The following USP25 variants were observed in gnomAD, a reference collection of about 807,000 sequenced individuals.
The protein encoded by USP25 is ubiquitin specific peptidase 25.
In USP25, 85 loss-of-function variants were observed where a neutral mutation model predicts 158.5. The observed-to-expected ratio is 0.54, with a 90% confidence interval of 0.45 to 0.64. The LOEUF is 0.64. Ranked by LOEUF, USP25 falls within the 30% of genes least tolerant of loss-of-function variation. The probability of loss-of-function intolerance (pLI) is 0.00; values close to 1 mark genes in which losing one functional copy is unlikely to be tolerated. For missense variants in USP25, 1,242 were observed against 1,327.3 expected, an observed-to-expected ratio of 0.94 and a Z score of 1.00; for synonymous variants, 464 against 460.4, an observed-to-expected ratio of 1.01 and a Z score of -0.10.
rs1281758604 is a variant in USP25, at chr21:15,830,545, A to T, written c.1708A>T (p.Ile570Leu). The change falls in exon 15 of 26, where the codon ATA becomes TTA. Residue 570 changes from isoleucine (I) to leucine (L), a missense_variant. Ile to Leu is a conservative substitution (Grantham distance 5, BLOSUM62 2). Transcript: ENST00000400183. The part of the protein sequence containing the change: ...ENDTRDLQES[I>L]SRIHRTIELM... ...TATATCCTTAGATTTGCAGGAAAGCATATCCAGAATCCATCGAACAATTGA... is the reference window on the plus strand; with the variant it reads ...TATATCCTTAGATTTGCAGGAAAGCTTATCCAGAATCCATCGAACAATTGA... 1 of 1,604,968 alleles carries T rather than the reference A, an allele frequency of 6.2e-7. No individual in the cohort carries two copies.
At chr21:15,817,318 A>G (rs753224381) in intron 9 of USP25, among the ~76,000 whole-genome samples, 12 of 152,072 alleles carry the variant, frequency 7.9e-5, no homozygotes, top group African/African-American at 2.4e-4. Context: ...GTATAAATGT[A>G]TATGTATGTA....
intron 4 of USP25, 107 bp from the exon 5 acceptor site, chr21:15,791,395 A>C: frequency 8.3e-7 from 1 of 1,205,042 alleles, no homozygotes; most frequent in Non-Finnish European, 1.1e-6. Flanking sequence ...TTATTTCTTC[A>C]AATACATTAT....
chr21:15,751,140 A>C (rs1248013710), intron 1 of USP25, among the ~76,000 whole-genome samples: 1 of 152,186 alleles, frequency 6.6e-6, no homozygotes, highest in Non-Finnish European at 1.5e-5. Flanking sequence ...GAGGCCCTTC[A>C]GAAGCCCCAA....
chr21:15,866,242 C>G (rs888594685), intron 21 of USP25, 24 bp from the exon 22 acceptor site: 10 of 1,537,302 alleles, frequency 6.5e-6, no homozygotes, highest in African/African-American at 1.4e-5. Flanking sequence ...CACACACGCT[C>G]ATATGTATGT....
At chr21:15,805,442 A>G (rs2036334639) in intron 7 of USP25, 184 bp downstream of exon 7, 1 of 490,282 alleles carries the variant, frequency 2.0e-6, no homozygotes, top group Middle Eastern at 5.6e-4. Context: ...GTGTTAAAAT[A>G]AAGTTTTAAT....
chr21:15,807,078 C>T (rs560144079), intron 7 of USP25, among the ~76,000 whole-genome samples: 3 of 152,134 alleles, frequency 2.0e-5, no homozygotes, highest in Non-Finnish European at 4.4e-5. Flanking sequence ...CACATGCCAC[C>T]GCGCCTGGCA....
intron 1 of USP25, among the ~76,000 whole-genome samples, chr21:15,755,387 A>G (rs1418422886): frequency 2.0e-5 from 3 of 152,120 alleles, no homozygotes; most frequent in African/African-American, 4.8e-5. Flanking sequence ...GTGGTGCTTT[A>G]GTTTTCTTTT....
rs1248819668 is a variant in USP25, at chr21:15,843,079, A to G, written c.2337+539A>G. Reference sequence around the variant, plus strand: ...TGAATATTTTAAGAACGTCCTGTGCAAAAACGTCATTAGGCTACTCTATTG... The same window carrying G: ...TGAATATTTTAAGAACGTCCTGTGCGAAAACGTCATTAGGCTACTCTATTG... On this transcript the variant is annotated intron_variant, in intron 18 of 25. Transcript: ENST00000400183. This position sits in a 1 kb window ranked among gnomAD's most constrained non-coding sequence, Gnocchi z 4.0. Among the ~76,000 whole-genome samples the G allele has an allele frequency of 6.6e-6, 1 of 152,174 alleles. No homozygotes were observed. Among genetic ancestry groups the G allele is most frequent in the East Asian group, 1.9e-4 (1 of 5,200 alleles).
Position 15,830,556 on chromosome 21 carries a change from C to T in USP25, c.1719C>T (p.Ile573=). Residue 573 remains isoleucine, a synonymous_variant, in exon 15 of 26, where the codon ATC becomes ATT. Coordinates refer to ENST00000400183, the MANE Select transcript of USP25 (RefSeq NM_001283041.3). The part of the protein sequence containing the change: ...TRDLQESISR[I]HRTIELMYSD... Reference sequence around the variant, plus strand: ...ATTTGCAGGAAAGCATATCCAGAATCCATCGAACAATTGAATTAATGTACT... The same window carrying T: ...ATTTGCAGGAAAGCATATCCAGAATTCATCGAACAATTGAATTAATGTACT... The T allele has an allele frequency of 6.2e-7, 1 of 1,605,022 alleles. No individual in the cohort carries two copies. Among genetic ancestry groups the T allele is most frequent in the Non-Finnish European group, 8.5e-7 (1 of 1,176,002 alleles).
intron 17 of USP25, among the ~76,000 whole-genome samples, chr21:15,834,212 CACTGTATAGG>C (rs1293023000): frequency 6.6e-6 from 1 of 152,044 alleles, no homozygotes; most frequent in Non-Finnish European, 1.5e-5. Context: ...TCAAAGTAAA[CACTGTATAGG>C]AATTAAGAAA....
At chr21:15,870,308 T>A (rs1460049562) in intron 23 of USP25, among the ~76,000 whole-genome samples, 161 bp downstream of exon 23, 2 of 152,208 alleles carry the variant, frequency 1.3e-5, no homozygotes, top group Non-Finnish European at 2.9e-5. Flanking sequence ...ACACAGTTGA[T>A]ATAGAGACTT....
At chr21:15,787,293 CA>C (rs2035333857) in intron 4 of USP25, among the ~76,000 whole-genome samples, 1 of 152,004 alleles carries the variant, frequency 6.6e-6, no homozygotes, top group Non-Finnish European at 1.5e-5. Context: ...CCCAAATAGC[CA>C]AAGCAAGCCT....
Position 15,816,663 on chromosome 21 carries a change from CA to C in USP25, c.932-2033del, listed in dbSNP as rs1309084669. On this transcript the variant is annotated intron_variant, in intron 9 of 25. Coordinates refer to ENST00000400183, the MANE Select transcript of USP25 (RefSeq NM_001283041.3). The surrounding 1 kb of genome is among the most constrained non-coding windows in gnomAD (Gnocchi z 4.0). ...ATTCAGTGCCTTAATTTCCTGCTGT[CA>C]ATAAGCCAGCAATTCTATCTTTATT... 6.6e-6 allele frequency among the ~76,000 whole-genome samples: 1 copy of C among 152,140 alleles called. No individual in the cohort carries two copies. The highest frequency in any genetic ancestry group is 1.9e-4 in the East Asian group (1 of 5,196).
chr21:15,817,739 C>T (rs1253923847), intron 9 of USP25, among the ~76,000 whole-genome samples: 2 of 152,104 alleles, frequency 1.3e-5, no homozygotes, highest in African/African-American at 4.8e-5. Context: ...CATCACATCT[C>T]ATGAGGCATA....
chr21:15,866,724 A>G (rs968560349), intron 22 of USP25, among the ~76,000 whole-genome samples: 6 of 152,144 alleles, frequency 3.9e-5, no homozygotes, highest in Non-Finnish European at 8.8e-5. Flanking sequence ...AGACCCTACT[A>G]TATGCCAGGC....
intron 22 of USP25, among the ~76,000 whole-genome samples, chr21:15,868,724 T>G (rs929760612): frequency 3.3e-5 from 5 of 152,132 alleles, no homozygotes; most frequent in African/African-American, 1.2e-4. Context: ...CACACTGCAG[T>G]TACAGAGTTG....
chr21:15,817,258 T>A (rs376856087), intron 9 of USP25, among the ~76,000 whole-genome samples: 13 of 152,166 alleles, frequency 8.5e-5, no homozygotes, highest in East Asian at 5.8e-4. Context: ...TTCTTACCTA[T>A]CTCTTATCCT....
intron 6 of USP25, among the ~76,000 whole-genome samples, 169 bp from the exon 7 acceptor site, chr21:15,804,952 T>C (rs535664428): frequency 6.6e-6 from 1 of 152,240 alleles, no homozygotes; most frequent in South Asian, 2.1e-4. Context: ...TTGAGTCTCT[T>C]AGATGGCACC....
At chr21:15,822,145 A>G (rs1017463558) in intron 10 of USP25, among the ~76,000 whole-genome samples, 2 of 151,942 alleles carry the variant, frequency 1.3e-5, no homozygotes, top group Non-Finnish European at 2.9e-5. Context: ...TTTGAAAGAA[A>G]AATTTCTCAT....
Sources: gnomAD v4.1 joint callset for allele counts (sites outside exome capture counted in the v4.1 genomes callset) on GRCh38, gnomAD v4.1.1 for gene constraint, Gnocchi (gnomAD v3.1) non-coding constraint, MANE v1.5 for transcripts, NCBI Gene and HGNC (gene_info 2026-07-23, HGNC 2026-07-21) for gene names.